Variants in DPP6 observed in about 807,000 individuals in gnomAD.
DPP6 encodes the protein A-type potassium channel modulatory protein DPP6.
Under a neutral mutation model 122.6 loss-of-function variants are expected in DPP6, and 69 were observed. The ratio of observed to expected loss-of-function variants is 0.56; its 90% CI spans 0.46 to 0.69. DPP6 has a LOEUF of 0.69. DPP6 is among the 30% of genes least tolerant of loss of function. DPP6 has a pLI of 0.00. For synonymous variants in DPP6, 418 were observed against 433.1 expected, an observed-to-expected ratio of 0.97 and a Z score of 0.43; for missense variants, 928 against 1,116.9, an observed-to-expected ratio of 0.83 and a Z score of 2.41.
intron 6 of DPP6, among the ~76,000 whole-genome samples, chr7:154,646,502 C>T (rs996695726): frequency 1.3e-5 from 2 of 152,130 alleles, no homozygotes; most frequent in African/African-American, 2.4e-5. Context: ...CAAGCCACAG[C>T]GTCAAAACCT....
chr7:153,831,895 A>G, the DPP6 span, among the ~76,000 whole-genome samples: 1 of 152,184 alleles, frequency 6.6e-6, no homozygotes. Flanking sequence ...GTTCTAAGAG[A>G]ATTGCAAGCC....
At chr7:153,876,357 C>T in the DPP6 span, among the ~76,000 whole-genome samples, 3,952 of 151,600 alleles carry the variant, frequency 0.026, 149 homozygotes, top group African/African-American at 0.09. Context: ...ATATTCTATC[C>T]AATATGTATA....
intron 8 of DPP6, among the ~76,000 whole-genome samples, chr7:154,737,005 A>G (rs1389273420): frequency 6.6e-6 from 1 of 152,208 alleles, no homozygotes; most frequent in Non-Finnish European, 1.5e-5. Context: ...CCAAGGATAA[A>G]GGAAAAAACT....
At chr7:154,611,311 C>T (rs775318248) in intron 5 of DPP6, among the ~76,000 whole-genome samples, 1 of 152,132 alleles carries the variant, frequency 6.6e-6, no homozygotes, top group Non-Finnish European at 1.5e-5. Context: ...ATCTCGTTAG[C>T]TTGGGAAATG....
At chr7:154,783,805 C>A (rs565184861) in intron 10 of DPP6, among the ~76,000 whole-genome samples, 15 of 152,092 alleles carry the variant, frequency 9.9e-5, no homozygotes. Context: ...AGGAGCTCCC[C>A]GCCTGGCCAA....
At chr7:153,842,155 C>T in the DPP6 span, among the ~76,000 whole-genome samples, 3 of 152,170 alleles carry the variant, frequency 2.0e-5, no homozygotes, top group Non-Finnish European at 4.4e-5. Flanking sequence ...ATCAGTACTG[C>T]AAATTTGCCC....
the DPP6 span, among the ~76,000 whole-genome samples, chr7:153,865,924 T>C: frequency 6.6e-6 from 1 of 151,798 alleles, no homozygotes; most frequent in Non-Finnish European, 1.5e-5. Context: ...GTCCTTGCGA[T>C]AGTTTGCTGA....
the DPP6 span, among the ~76,000 whole-genome samples, chr7:153,852,052 T>C: frequency 6.6e-6 from 1 of 152,318 alleles, no homozygotes; most frequent in East Asian, 1.9e-4. Context: ...TTTGATTGTG[T>C]GTTATTCAGC....
intron 7 of DPP6, among the ~76,000 whole-genome samples, chr7:154,695,490 A>G (rs986558559): frequency 6.6e-6 from 1 of 152,212 alleles, no homozygotes; most frequent in Non-Finnish European, 1.5e-5. Flanking sequence ...TTACCACCCT[A>G]TTTTTAAGGC....
chr7:154,612,279 C>G lies in DPP6; in HGVS notation c.628-25542C>G, dbSNP rs187992617. Among the ~76,000 whole-genome samples, 139 of 152,348 alleles carry G rather than the reference C, an allele frequency of 9.1e-4. 1 individual carries two copies. The highest frequency in any genetic ancestry group is 3.1e-3 in the African/African-American group (128 of 41,572). On this transcript the variant is annotated intron_variant, in intron 5 of 25. Transcript: ENST00000377770. Reference sequence around the variant, plus strand: ...TAGTCAAGATACAGAGCAGTTCTGTCATGAGGACCCCTCGTGATACTCTGA... The same window carrying G: ...TAGTCAAGATACAGAGCAGTTCTGTGATGAGGACCCCTCGTGATACTCTGA...
At chr7:153,877,903 G>GACAA in the DPP6 span, among the ~76,000 whole-genome samples, 2 of 72,938 alleles carry the variant, frequency 2.7e-5, no homozygotes, top group Admixed American at 1.2e-4. Flanking sequence ...TAAAAGGTTT[G>GACAA]ACAAATAAAG....
intron 1 of DPP6, among the ~76,000 whole-genome samples, chr7:154,392,866 C>G (rs901571127): frequency 3.4e-4 from 52 of 152,320 alleles, no homozygotes; most frequent in African/African-American, 1.1e-3. Flanking sequence ...ATGGCAAAGG[C>G]ATTGCTTGGT....
At chr7:154,127,614 CACACACACACACACACACAG>C (rs1563225528) in intron 1 of DPP6, among the ~76,000 whole-genome samples, 2 of 106,436 alleles carry the variant, frequency 1.9e-5, no homozygotes, top group Non-Finnish European at 3.7e-5. Context: ...CACACACACA[CACACACACACACACACACAG>C]ACACACACAC....
At chr7:154,441,340 C>G (rs1819356357) in intron 1 of DPP6, among the ~76,000 whole-genome samples, 1 of 152,136 alleles carries the variant, frequency 6.6e-6, no homozygotes, top group Non-Finnish European at 1.5e-5. Context: ...TAAAACATTA[C>G]TTGGTGGTGA....
At chr7:154,840,329 C>T (rs1042394707) in intron 16 of DPP6, among the ~76,000 whole-genome samples, 3 of 152,214 alleles carry the variant, frequency 2.0e-5, no homozygotes, top group African/African-American at 7.2e-5. Flanking sequence ...GACCAACCAT[C>T]AGGGGCTAAA....
chr7:153,855,293 A>G, the DPP6 span, among the ~76,000 whole-genome samples: 13 of 152,204 alleles, frequency 8.5e-5, no homozygotes, highest in African/African-American at 3.1e-4. Flanking sequence ...CTTTTTCAAT[A>G]TTATTTTGTT....
At chr7:153,886,926 C>T (rs571455091), upstream of DPP6, among the ~76,000 whole-genome samples, 14 of 152,224 alleles carry the variant, frequency 9.2e-5, no homozygotes, top group South Asian at 1.4e-3. Context: ...GCGGCAATCA[C>T]CGTAGTGCTT....
At chr7:154,534,133 A>G (rs970021680) in intron 3 of DPP6, among the ~76,000 whole-genome samples, 1 of 152,138 alleles carries the variant, frequency 6.6e-6, no homozygotes, top group Non-Finnish European at 1.5e-5. Context: ...TAAAAGAGAA[A>G]CCTCATAAGA....
At chr7:154,423,779 A>T (rs1437709432) in intron 1 of DPP6, among the ~76,000 whole-genome samples, 1 of 152,232 alleles carries the variant, frequency 6.6e-6, no homozygotes, top group Non-Finnish European at 1.5e-5. Context: ...GCCTCTATTA[A>T]TCACTTTTCT....
Sources: gnomAD v4.1 joint callset for allele counts (sites outside exome capture counted in the v4.1 genomes callset) on GRCh38, gnomAD v4.1.1 for gene constraint, MANE v1.5 for transcripts, NCBI Gene and HGNC (gene_info 2026-07-23, HGNC 2026-07-21) for gene names.